The following UGT1A9 variants were observed in gnomAD, a reference collection of about 807,000 sequenced individuals.
The protein encoded by UGT1A9 is UDP glucuronosyltransferase family 1 member A9, also known as UDP-glucuronosyltransferase 1A9.
UGT1A9 carries 35 observed loss-of-function variants against 45.0 expected under a neutral mutation model. The ratio of observed to expected loss-of-function variants is 0.78; its 90% confidence interval spans 0.59 to 1.03. The LOEUF is 1.03. Ranked by LOEUF, UGT1A9 falls within the 50% of genes least tolerant of loss-of-function variation. UGT1A9 has a pLI of 0.00. For missense variants in UGT1A9, 687 were observed against 666.6 expected, an observed-to-expected ratio of 1.03 and a Z score of -0.34; for synonymous variants, 278 against 250.6, an observed-to-expected ratio of 1.11 and a Z score of -1.03.
In UGT1A9 at chr2:233,682,143, C is replaced by T. The variant is rs1352852868; in HGVS notation, c.855+9354C>T. The T allele has an allele frequency of 3.7e-6, 6 of 1,614,178 alleles. No individual in the cohort carries two copies. In the East Asian group the frequency reaches 1.3e-4, roughly 36 times the overall value. Reference sequence around the variant, plus strand: ...GAGGTGAGTTGGCAACTGGGAAGATCACTGAATTGCACAGTGAAGACTTAC... The same window carrying T: ...GAGGTGAGTTGGCAACTGGGAAGATTACTGAATTGCACAGTGAAGACTTAC... On this transcript the variant is annotated intron_variant, in intron 1 of 4. Coordinates refer to ENST00000354728, the MANE Select transcript of UGT1A9 (RefSeq NM_021027.3).
chr2:233,700,602 CT>C (rs1319964954), intron 1 of UGT1A9, among the ~76,000 whole-genome samples: 2 of 151,936 alleles, frequency 1.3e-5, no homozygotes, highest in Middle Eastern at 3.2e-3. Context: ...ACAATTCACT[CT>C]TTTTTTGGGG....
rs1240637968 is a variant in UGT1A9 at position 233,729,257 on chromosome 2, T to A, written c.856-37777T>A. 6.2e-7 allele frequency: 1 copy of A among 1,613,994 alleles called. No homozygotes were observed. Among genetic ancestry groups the A allele is most frequent in the Non-Finnish European group, 8.5e-7 (1 of 1,179,936 alleles). On this transcript the variant is annotated intron_variant, in intron 1 of 4. Transcript: ENST00000354728. ...ATTGATGGCAGCCACTGGCTCAGCA[T>A]GCGGGAGGTCTTGCGGGAGCTCCAT...
intron 1 of UGT1A9, among the ~76,000 whole-genome samples, chr2:233,684,262 C>T (rs147889560): frequency 1.5e-3 from 225 of 152,230 alleles, no homozygotes; most frequent in African/African-American, 4.3e-3. Context: ...CAGTTGTAGG[C>T]CTTTCAAATG....
chr2:233,699,823 C>G (rs1272695507), intron 1 of UGT1A9, among the ~76,000 whole-genome samples: 1 of 152,170 alleles, frequency 6.6e-6, no homozygotes, highest in Non-Finnish European at 1.5e-5. Context: ...TAGTAGTTCT[C>G]AAATAGAACT....
At position 233,719,159 on chromosome 2, in the gene UGT1A9, T is replaced by G. The variant is rs28898610; in HGVS notation, c.855+46370T>G. On this transcript the variant is annotated intron_variant, in intron 1 of 4. Coordinates refer to ENST00000354728, the MANE Select transcript of UGT1A9 (RefSeq NM_021027.3). ...ATCTTCTGAAGAGATATTCTAGAAGTATGGCAATTATGAACAATGTATCTT... is the reference window on the plus strand; with the variant it reads ...ATCTTCTGAAGAGATATTCTAGAAGGATGGCAATTATGAACAATGTATCTT... 1.9e-6 allele frequency: 3 copies of G among 1,614,126 alleles called. No homozygotes were observed. Among genetic ancestry groups the G allele is most frequent in the Admixed American group, 1.7e-5 (1 of 60,002 alleles).
Position 233,768,420 on chromosome 2 carries a change from G to A in UGT1A9, c.1276G>A (p.Ala426Thr). 6.2e-7 allele frequency: 1 copy of A among 1,614,048 alleles called. No homozygotes were observed. Among genetic ancestry groups the A allele is most frequent in the South Asian group, 1.1e-5 (1 of 91,078 alleles). Residue 426 changes from alanine (A) to threonine (T), a missense_variant, in exon 4 of 5, where the codon GCA becomes ACA. By Grantham distance (58) the Ala-to-Thr change is moderately conservative (BLOSUM62 0). Transcript: ENST00000354728. Reference protein sequence around the residue: ...TSEDLENALKAVINDKSYKEN... With the variant: ...TSEDLENALKTVINDKSYKEN... ...TGAAGATTTAGAAAATGCTCTAAAAGCAGTCATCAATGACAAAAGGTAAGA... is the reference window on the plus strand; with the variant it reads ...TGAAGATTTAGAAAATGCTCTAAAAACAGTCATCAATGACAAAAGGTAAGA...
rs767667233 is a variant in UGT1A9, at chr2:233,769,803, C to T, written c.1295+1364C>T. ...CCAGAAGTTGGAGGCTGCTATGAGC[C>T]GTGATCATGCCACTGCACTCCAGCA... On this transcript the variant is annotated intron_variant, in intron 4 of 4. Coordinates refer to ENST00000354728, the MANE Select transcript of UGT1A9 (RefSeq NM_021027.3). This position sits in a 1 kb window ranked among gnomAD's most constrained non-coding sequence, Gnocchi z 4.4. 8.1e-6 allele frequency: 9 copies of T among 1,113,138 alleles called. No homozygotes were observed. Among genetic ancestry groups the T allele is most frequent in the Admixed American group, 3.0e-5 (1 of 33,080 alleles). 69.0% of individuals were successfully genotyped at this position (1,113,138 alleles called of 1,614,324 possible).
chr2:233,736,451 C>T (rs1167369178), intron 1 of UGT1A9, among the ~76,000 whole-genome samples: 3 of 152,120 alleles, frequency 2.0e-5, no homozygotes, highest in Non-Finnish European at 2.9e-5. Context: ...GCAATAGGTT[C>T]GAACATGCAC....
At chr2:233,688,018 A>G (rs1393583749) in intron 1 of UGT1A9, among the ~76,000 whole-genome samples, 7 of 152,374 alleles carry the variant, frequency 4.6e-5, no homozygotes, top group Non-Finnish European at 8.8e-5. Flanking sequence ...ACAATCAACC[A>G]TCACCAATAT....
chr2:233,738,081 C>G (rs1343758433), intron 1 of UGT1A9, among the ~76,000 whole-genome samples: 1 of 152,154 alleles, frequency 6.6e-6, no homozygotes, highest in Non-Finnish European at 1.5e-5. Context: ...CTCCTAATCT[C>G]ATCATAGTGA....
intron 1 of UGT1A9, chr2:233,713,868 G>A: frequency 6.2e-7 from 1 of 1,613,750 alleles, no homozygotes; most frequent in Non-Finnish European, 8.5e-7. Flanking sequence ...GGTCTGTATT[G>A]GTGCCTTTAT....
intron 1 of UGT1A9, among the ~76,000 whole-genome samples, chr2:233,724,297 C>T (rs2077212322): frequency 1.4e-5 from 2 of 146,124 alleles, no homozygotes; most frequent in South Asian, 2.4e-4. Context: ...GCTGACCCCC[C>T]CACCTCCCTC....
intron 1 of UGT1A9, chr2:233,755,349 T>G (rs1322170401): frequency 5.0e-6 from 2 of 396,484 alleles, no homozygotes; most frequent in Admixed American, 3.8e-5. Flanking sequence ...GTCAGAGGCT[T>G]GGCGACCTGG....
At chr2:233,690,816 C>CA in intron 1 of UGT1A9, 1 of 1,075,614 alleles carries the variant, frequency 9.3e-7, no homozygotes, top group Non-Finnish European at 1.1e-6. Context: ...TTAGTACAGT[C>CA]AAAGCTCACA....
chr2:233,762,717 G>GT lies in UGT1A9; in HGVS notation c.856-4305dup, dbSNP rs34681509. 2.7e-3 allele frequency among the ~76,000 whole-genome samples: 387 copies of GT among 141,006 alleles called. 1 individual carries two copies. The highest frequency in any genetic ancestry group is 0.012 in the Middle Eastern group (3 of 260). 92.5% of individuals were successfully genotyped at this position (141,006 alleles called of 152,430 possible). On this transcript the variant is annotated intron_variant, in intron 1 of 4. Coordinates refer to ENST00000354728, the MANE Select transcript of UGT1A9 (RefSeq NM_021027.3). ...CATCTTTTCTTAAGTATTTTACACG[G>GT]TTTTTTTTTTTTGGTCACTACTGTG...
At chr2:233,684,901 G>GT (rs1241659927) in intron 1 of UGT1A9, among the ~76,000 whole-genome samples, 1 of 152,076 alleles carries the variant, frequency 6.6e-6, no homozygotes, top group Non-Finnish European at 1.5e-5. Context: ...AAAGTATACA[G>GT]TTTTTTGTAC....
intron 1 of UGT1A9, chr2:233,729,178 C>A (rs763464670): frequency 7.3e-5 from 117 of 1,613,756 alleles, no homozygotes; most frequent in Non-Finnish European, 9.8e-5. Context: ...AGGACTGCTG[C>A]TTCTCCTCAG....
Position 233,682,597 on chromosome 2 carries a change from C to T in UGT1A9, c.855+9808C>T, listed in dbSNP as rs45462096. ...TGCACTTGGAGGAACATTTATTTTG[C>T]CCCTATTTTTTCAAAAATGTCTTAG... On this transcript the variant is annotated intron_variant, in intron 1 of 4. Coordinates refer to ENST00000354728, the MANE Select transcript of UGT1A9 (RefSeq NM_021027.3). The T allele has an allele frequency of 3.4e-4, 547 of 1,613,874 alleles. 4 individuals are homozygous for T. Among genetic ancestry groups the T allele is most frequent in the East Asian group, 9.8e-4 (44 of 44,876 alleles).
At chr2:233,679,743 T>C (rs1019991375) in intron 1 of UGT1A9, among the ~76,000 whole-genome samples, 1 of 152,142 alleles carries the variant, frequency 6.6e-6, no homozygotes, top group African/African-American at 2.4e-5. Flanking sequence ...TTTGTAAAAC[T>C]AGCAAACCAT....
Sources: allele counts gnomAD v4.1 joint callset (sites outside exome capture counted in the v4.1 genomes callset), GRCh38; gene constraint gnomAD v4.1.1; non-coding constraint Gnocchi (gnomAD v3.1); transcripts MANE v1.5; gene names NCBI Gene and HGNC (gene_info 2026-07-23, HGNC 2026-07-21).